The following HMCN1 variants were observed in gnomAD, a reference collection of about 807,000 sequenced individuals.
The protein encoded by HMCN1 is hemicentin-1.
In HMCN1, 321 loss-of-function variants were observed where a neutral mutation model predicts 625.9. The observed-to-expected ratio is 0.51, with a 90% CI of 0.47 to 0.56. The LOEUF (loss-of-function observed/expected upper bound fraction) is 0.56. Among genes scored for constraint, HMCN1 ranks in the 20% least tolerant of loss-of-function variants. The pLI is 0.00. For synonymous variants in HMCN1, 2,425 were observed against 2,417.6 expected (o/e 1.00, Z -0.09); for missense variants, 6,588 against 6,887.3 (o/e 0.96, Z 1.54).
intron 52 of HMCN1, 61 bp downstream of exon 52, chr1:186,070,818 A>C (rs1658433746): frequency 3.3e-6 from 5 of 1,498,960 alleles, no homozygotes; most frequent in Non-Finnish European, 4.6e-6. Context: ...GTCAATTGAA[A>C]AGAAATAATA....
At chr1:185,983,358 G>A (rs1216798895) in intron 18 of HMCN1, among the ~76,000 whole-genome samples, 1 of 151,900 alleles carries the variant, frequency 6.6e-6, no homozygotes, top group Non-Finnish European at 1.5e-5. Context: ...CCCAGGAGGC[G>A]GAGGTTGCAG....
At chr1:185,936,950 C>G (rs894754856) in intron 11 of HMCN1, among the ~76,000 whole-genome samples, 5 of 152,170 alleles carry the variant, frequency 3.3e-5, no homozygotes, top group African/African-American at 1.2e-4. Flanking sequence ...TTAAAAGACA[C>G]TAGTTTTGGA....
chr1:185,867,096 T>A (rs1429212026), intron 4 of HMCN1, among the ~76,000 whole-genome samples: 1 of 152,206 alleles, frequency 6.6e-6, no homozygotes, highest in Non-Finnish European at 1.5e-5. Context: ...CATTACAAAT[T>A]TCTAGAGCAA....
chr1:185,909,538 A>T, intron 5 of HMCN1, 30 bp downstream of exon 5: 2 of 1,568,208 alleles, frequency 1.3e-6, no homozygotes, highest in African/African-American at 1.4e-5. Context: ...ACATAATAAA[A>T]TACAAAATAC....
chr1:185,815,929 T>C (rs115651117), intron 1 of HMCN1, among the ~76,000 whole-genome samples: 2,875 of 150,086 alleles, frequency 0.019, 373 homozygotes, highest in African/African-American at 0.067. Flanking sequence ...TTAGCAATAT[T>C]GTACCCCATG....
At chr1:185,868,635 C>T (rs1663421719) in intron 4 of HMCN1, among the ~76,000 whole-genome samples, 1 of 152,118 alleles carries the variant, frequency 6.6e-6, no homozygotes, top group Non-Finnish European at 1.5e-5. Flanking sequence ...AACTGTGAGT[C>T]AATTAAGCCT....
intron 4 of HMCN1, among the ~76,000 whole-genome samples, chr1:185,903,210 A>C (rs1323791579): frequency 6.6e-6 from 1 of 151,794 alleles, no homozygotes; most frequent in African/African-American, 2.4e-5. Context: ...TAAATGTCTA[A>C]AGTGTGCTTT....
chr1:186,084,174 CTT>C (rs942829030), intron 57 of HMCN1, among the ~76,000 whole-genome samples: 3 of 152,228 alleles, frequency 2.0e-5, no homozygotes, highest in Admixed American at 6.5e-5. Flanking sequence ...TATCCCATAA[CTT>C]TATTGTAAGT....
chr1:185,850,481 G>T (rs1662094820), intron 2 of HMCN1, among the ~76,000 whole-genome samples: 1 of 151,934 alleles, frequency 6.6e-6, no homozygotes, highest in Non-Finnish European at 1.5e-5. Flanking sequence ...CTTCCTGATT[G>T]TCTGCCTGTC....
At chr1:186,066,968 CTATA>C (rs1479064669) in intron 49 of HMCN1, among the ~76,000 whole-genome samples, 1 of 152,112 alleles carries the variant, frequency 6.6e-6, no homozygotes, top group East Asian at 1.9e-4. Flanking sequence ...GTTCAAATTC[CTATA>C]TAGAATTGCT....
intron 93 of HMCN1, among the ~76,000 whole-genome samples, chr1:186,146,459 G>A (rs1650322529): frequency 6.6e-6 from 1 of 152,116 alleles, no homozygotes; most frequent in Non-Finnish European, 1.5e-5. Flanking sequence ...AGAAATGGTA[G>A]CTAATACTCA....
chr1:185,949,238 T>A (rs900858084), intron 11 of HMCN1, among the ~76,000 whole-genome samples: 3 of 151,790 alleles, frequency 2.0e-5, no homozygotes, highest in African/African-American at 7.3e-5. Flanking sequence ...GAGCAGGGCA[T>A]GTATGAGTAG....
intron 4 of HMCN1, among the ~76,000 whole-genome samples, chr1:185,883,509 G>A (rs1376300626): frequency 1.3e-5 from 2 of 151,776 alleles, no homozygotes; most frequent in Non-Finnish European, 2.9e-5. Context: ...GGAAATTTTT[G>A]GTCTAGATTT....
chr1:186,132,711 A>G (rs1042151816), intron 86 of HMCN1, among the ~76,000 whole-genome samples: 1 of 151,838 alleles, frequency 6.6e-6, no homozygotes, highest in African/African-American at 2.4e-5. Context: ...GGTTAGTTAC[A>G]TATGTATACA....
chr1:186,095,189 T>C, intron 67 of HMCN1, 54 bp from the exon 68 acceptor site: 1 of 1,525,598 alleles, frequency 6.6e-7, no homozygotes, highest in Non-Finnish European at 9.1e-7. Flanking sequence ...TAATTTAAAT[T>C]GATCTCAAAT....
At chr1:186,152,659 C>T (rs577352131) in intron 95 of HMCN1, 91 bp from the exon 96 acceptor site, 4 of 1,504,518 alleles carry the variant, frequency 2.7e-6, no homozygotes, top group East Asian at 2.3e-5. Context: ...ACTCAAAAAG[C>T]ATAGCTGAAC....
intron 11 of HMCN1, among the ~76,000 whole-genome samples, chr1:185,951,219 A>G (rs1262560857): frequency 1.3e-5 from 2 of 151,278 alleles, no homozygotes; most frequent in Non-Finnish European, 2.9e-5. Context: ...ATATAGCTGT[A>G]GTCCAGGAAT....
At chr1:185,967,552 A>G (rs1249258359) in intron 14 of HMCN1, among the ~76,000 whole-genome samples, 2 of 152,134 alleles carry the variant, frequency 1.3e-5, no homozygotes, top group Non-Finnish European at 2.9e-5. Context: ...CCTGACCTCC[A>G]GGATCAGGTC....
Position 186,015,325 on chromosome 1 carries a change from A to G in HMCN1, c.4797A>G (p.Lys1599=), listed in dbSNP as rs768356336. Residue 1599 remains lysine, a synonymous_variant, in exon 31 of 107, where the codon AAA becomes AAG. Coordinates refer to ENST00000271588, the MANE Select transcript of HMCN1 (RefSeq NM_031935.3). ...MSSSQALYID[K]GQYLHIPRAQ... ...GCTCACAAGCACTTTATATTGATAA[A>G]GGACAATATCTTCATATTCCTCGAG... The G allele has an allele frequency of 7.4e-6, 12 of 1,613,808 alleles. No homozygotes were observed. Among genetic ancestry groups the G allele is most frequent in the Non-Finnish European group, 9.3e-6 (11 of 1,179,780 alleles).
Sources: gnomAD v4.1 joint callset for allele counts (sites outside exome capture counted in the v4.1 genomes callset) on GRCh38, gnomAD v4.1.1 for gene constraint, MANE v1.5 for transcripts, NCBI Gene and HGNC (gene_info 2026-07-23, HGNC 2026-07-21) for gene names.